The following FAM83F variants were observed in gnomAD, a reference collection of about 807,000 sequenced individuals.
The protein encoded by FAM83F is protein FAM83F.
A neutral mutation model predicts 42.9 loss-of-function variants in FAM83F; 45 were observed. That is an observed-to-expected ratio of 1.05 (90% CI 0.83 to 1.35). The LOEUF (loss-of-function observed/expected upper bound fraction) is 1.35, where lower values mean the gene tolerates loss of function less well. FAM83F is among the 40% of genes most tolerant of loss of function. The probability of loss-of-function intolerance (pLI) is 0.00; values close to 1 mark genes in which losing one functional copy is unlikely to be tolerated. For missense variants in FAM83F, 617 were observed against 695.9 expected, an observed-to-expected ratio of 0.89 and a Z score of 1.28; for synonymous variants, 306 against 298.3, an observed-to-expected ratio of 1.03 and a Z score of -0.27.
In FAM83F at chr22:40,041,424, G is replaced by T. The variant is rs1318805301; in HGVS notation, c.*11859G>T. On this transcript the variant is annotated 3_prime_UTR_variant, in exon 5 of 5. Transcript: ENST00000333407. ...TTCAGGGTATGAGTTGATTCCGCAG[G>T]CACCAAGGCATGCCTGTAAGCCCTA... 1.3e-5 allele frequency: 2 copies of T among 152,172 alleles called. No individual in the cohort carries two copies. The highest frequency in any genetic ancestry group is 4.8e-5 in the African/African-American group (2 of 41,412). The allele number at this position is 152,172 out of a possible 1,614,324, so 9.4% of individuals were successfully genotyped here.
chr22:40,013,266 C>T (rs1051380797), intron 1 of FAM83F, among the ~76,000 whole-genome samples: 21 of 152,076 alleles, frequency 1.4e-4, no homozygotes, highest in Admixed American at 1.2e-3. Context: ...CTTAGCCTAC[C>T]TGAAATTTTC....
chr22:40,024,156 T>C (rs893941057), intron 4 of FAM83F, among the ~76,000 whole-genome samples: 2 of 152,188 alleles, frequency 1.3e-5, no homozygotes, highest in Admixed American at 6.5e-5. Context: ...TGTGCCACCA[T>C]GCCTGGCTAA....
intron 1 of FAM83F, among the ~76,000 whole-genome samples, chr22:40,016,324 TC>T (rs1036988165): frequency 6.6e-6 from 1 of 152,084 alleles, no homozygotes; most frequent in African/African-American, 2.4e-5. Flanking sequence ...TGCCTCAGCC[TC>T]CCAAGTAGCT....
At chr22:40,000,630 GTA>G (rs142234849) in intron 1 of FAM83F, among the ~76,000 whole-genome samples, 2,464 of 152,248 alleles carry the variant, frequency 0.016, 64 homozygotes, top group African/African-American at 0.056. Flanking sequence ...AGTTTAAAAA[GTA>G]TGTAATTTTT....
At chr22:40,019,034 C>T (rs2067505480) in intron 1 of FAM83F, 134 bp from the exon 2 acceptor site, 1 of 1,042,384 alleles carries the variant, frequency 9.6e-7, no homozygotes, top group African/African-American at 1.6e-5. Context: ...ACGTGGAACT[C>T]CAGGAATGGT....
chr22:40,005,382 T>G (rs1357882420), intron 1 of FAM83F, among the ~76,000 whole-genome samples: 1 of 152,244 alleles, frequency 6.6e-6, no homozygotes, highest in African/African-American at 2.4e-5. Context: ...TGAGCTTGCA[T>G]TAGATAATTT....
At chr22:40,013,865 G>A (rs2067480015) in intron 1 of FAM83F, among the ~76,000 whole-genome samples, 1 of 151,888 alleles carries the variant, frequency 6.6e-6, no homozygotes, top group Non-Finnish European at 1.5e-5. Context: ...ATGCCATGTG[G>A]TTAGGTTTTA....
intron 1 of FAM83F, among the ~76,000 whole-genome samples, chr22:40,003,877 G>A (rs2067414364): frequency 6.6e-6 from 1 of 152,086 alleles, no homozygotes; most frequent in African/African-American, 2.4e-5. Context: ...CAAGGCATGT[G>A]GGAGGCTCCG....
intron 1 of FAM83F, among the ~76,000 whole-genome samples, chr22:40,004,099 A>G (rs1001223385): frequency 4.0e-5 from 6 of 151,844 alleles, no homozygotes; most frequent in African/African-American, 1.2e-4. Flanking sequence ...AGACCCAACT[A>G]TGTGCCAGGA....
At position 40,015,963 on chromosome 22, in the gene FAM83F, C is replaced by T. The variant is rs182576532; in HGVS notation, c.490-3205C>T. Reference sequence around the variant, plus strand: ...ATTCTCCCTTCATGAATGATTATCACAATATCAACCTCAAAGGAAGACTCT... The same window carrying T: ...ATTCTCCCTTCATGAATGATTATCATAATATCAACCTCAAAGGAAGACTCT... On this transcript the variant is annotated intron_variant, in intron 1 of 4. Coordinates refer to ENST00000333407, the MANE Select transcript of FAM83F (RefSeq NM_138435.4). Among the ~76,000 whole-genome samples, 32 of 152,278 alleles carry T rather than the reference C, an allele frequency of 2.1e-4. No homozygotes were observed. In the East Asian group the frequency reaches 6.2e-3, roughly 29 times the overall value.
At chr22:40,020,249 C>T (rs2145719715) in intron 3 of FAM83F, among the ~76,000 whole-genome samples, 1 of 152,084 alleles carries the variant, frequency 6.6e-6, no homozygotes, top group South Asian at 2.1e-4. Context: ...GGTCCATTTG[C>T]AGCCAGTTGC....
At position 39,997,715 on chromosome 22, in the gene FAM83F, G is replaced by C. The variant is rs567022981; in HGVS notation, c.489+2184G>C. Reference sequence around the variant, plus strand: ...AAAAGCAAGGAGGTTTGATTGGCAGGTAAAAAGAGCTGTCGTGGGGGGAGG... The same window carrying C: ...AAAAGCAAGGAGGTTTGATTGGCAGCTAAAAAGAGCTGTCGTGGGGGGAGG... On this transcript the variant is annotated intron_variant, in intron 1 of 4. Coordinates refer to ENST00000333407, the MANE Select transcript of FAM83F (RefSeq NM_138435.4). Among the ~76,000 whole-genome samples the C allele has an allele frequency of 2.6e-5, 4 of 152,314 alleles. No individual in the cohort carries two copies. The East Asian group carries it at 7.7e-4, about 29-fold the overall frequency.
rs2067650874 is a variant in FAM83F, at chr22:40,041,651, A to G, written c.*12086A>G. 1 of 152,192 alleles carries G rather than the reference A, an allele frequency of 6.6e-6. No homozygotes were observed. The highest frequency in any genetic ancestry group is 1.5e-5 in the Non-Finnish European group (1 of 68,030). The allele number at this position is 152,192 out of a possible 1,614,324, so 9.4% of individuals were successfully genotyped here. ...CAAAGCCGCAGTTCTGGGTGATGAGAGCTCTGAGAGCCCAGAAAAGACCCT... is the reference window on the plus strand; with the variant it reads ...CAAAGCCGCAGTTCTGGGTGATGAGGGCTCTGAGAGCCCAGAAAAGACCCT... On this transcript the variant is annotated 3_prime_UTR_variant, in exon 5 of 5. Coordinates refer to ENST00000333407, the MANE Select transcript of FAM83F (RefSeq NM_138435.4).
Position 40,006,782 on chromosome 22 carries a change from G to A in FAM83F, c.489+11251G>A, listed in dbSNP as rs371048844. Among the ~76,000 whole-genome samples, 157 of 152,282 alleles carry A rather than the reference G, an allele frequency of 1.0e-3. 2 individuals carry two copies. In the South Asian group the frequency reaches 0.023, roughly 22 times the overall value. ...AGTCCGGAGCCGCTGAGTGGGCAGGGAAACGGGGAAACAGGGCACTTGGGT... is the reference window on the plus strand; with the variant it reads ...AGTCCGGAGCCGCTGAGTGGGCAGGAAAACGGGGAAACAGGGCACTTGGGT... On this transcript the variant is annotated intron_variant, in intron 1 of 4. Transcript: ENST00000333407.
intron 4 of FAM83F, among the ~76,000 whole-genome samples, chr22:40,028,804 G>T (rs1012891836): frequency 6.6e-6 from 1 of 152,210 alleles, no homozygotes; most frequent in Admixed American, 6.5e-5. Flanking sequence ...TAAGCAGTGT[G>T]ATCCACCCCA....
rs949662971 is a variant in FAM83F, at chr22:40,042,571, T to G, written c.*13006T>G. ...TTCTCACAGCACTGCATCATGGTTATCTGCTTATCTGCTGGACACCCCTAC... is the reference window on the plus strand; with the variant it reads ...TTCTCACAGCACTGCATCATGGTTAGCTGCTTATCTGCTGGACACCCCTAC... On this transcript the variant is annotated 3_prime_UTR_variant, in exon 5 of 5. Coordinates refer to ENST00000333407, the MANE Select transcript of FAM83F (RefSeq NM_138435.4). 3 of 152,364 alleles carry G rather than the reference T, an allele frequency of 2.0e-5. No individual in the cohort carries two copies. Among genetic ancestry groups the G allele is most frequent in the South Asian group, 2.1e-4 (1 of 4,828 alleles). 9.4% of individuals were successfully genotyped at this position (152,364 alleles called of 1,614,324 possible).
At position 40,021,360 on chromosome 22, in the gene FAM83F, T is replaced by C; in HGVS notation, c.850T>C (p.Phe284Leu). 6.2e-7 allele frequency: 1 copy of C among 1,610,408 alleles called. No homozygotes were observed. The highest frequency in any genetic ancestry group is 8.5e-7 in the Non-Finnish European group (1 of 1,177,462). Reference sequence around the variant, plus strand: ...CCTGACAGGACAGAACGTAGAGCCCTTTGACACGGAGTTCCGGGAGCTGTA... The same window carrying C: ...CCTGACAGGACAGAACGTAGAGCCCCTTGACACGGAGTTCCGGGAGCTGTA... Reference protein sequence around the residue: ...LLLTGQNVEPFDTEFRELYAI... With the variant: ...LLLTGQNVEPLDTEFRELYAI... The change falls in exon 4 of 5, where the codon TTT becomes CTT. Residue 284 changes from phenylalanine to leucine, a missense_variant. Physicochemically the swap from Phe to Leu is conservative, Grantham distance 22. Transcript: ENST00000333407. This position sits in a 1 kb window ranked among gnomAD's most constrained non-coding sequence, Gnocchi z 8.7.
intron 1 of FAM83F, chr22:40,010,079 C>T (rs9611244): frequency 3.3e-4 from 50 of 152,314 alleles, no homozygotes; most frequent in Middle Eastern, 3.4e-3. Context: ...GCTGCCGCCT[C>T]GAATCAACCT....
At chr22:40,006,370 C>T (rs371834571) in intron 1 of FAM83F, among the ~76,000 whole-genome samples, 36 of 152,330 alleles carry the variant, frequency 2.4e-4, no homozygotes, top group African/African-American at 8.2e-4. Flanking sequence ...CTGTTTAGAT[C>T]GATGGCAGGG....
Sources: gnomAD v4.1 joint callset for allele counts (sites outside exome capture counted in the v4.1 genomes callset) on GRCh38, gnomAD v4.1.1 for gene constraint, Gnocchi (gnomAD v3.1) non-coding constraint, MANE v1.5 for transcripts, NCBI Gene and HGNC (gene_info 2026-07-23, HGNC 2026-07-21) for gene names.